PRR16: variants seen among roughly 807,000 people sequenced by gnomAD.
PRR16 encodes protein Largen.
PRR16 carries 6 observed loss-of-function variants against 18.2 expected under a neutral mutation model. The observed-to-expected ratio is 0.33, with a 90% CI of 0.18 to 0.65. The LOEUF (loss-of-function observed/expected upper bound fraction) is 0.65, where lower values mean the gene tolerates loss of function less well. Ranked by LOEUF, PRR16 falls within the 30% of genes least tolerant of loss-of-function variation. PRR16 has a pLI of 0.74. For missense variants in PRR16, 412 were observed against 376.6 expected (o/e 1.09, Z -0.78); for synonymous variants, 151 against 147.8 (o/e 1.02, Z -0.16).
the PRR16 span, among the ~76,000 whole-genome samples, chr5:120,721,387 T>C: frequency 5.3e-4 from 80 of 152,092 alleles, no homozygotes; most frequent in African/African-American, 1.9e-3. Context: ...AATGACAGGT[T>C]AGGAAGAAGG....
At chr5:120,781,238 AAACAAGACT>A in the PRR16 span, 16 of 152,278 alleles carry the variant, frequency 1.1e-4, no homozygotes, top group Middle Eastern at 3.4e-3. Flanking sequence ...GAAGCGTCTG[AAACAAGACT>A]AACAAGACTA....
At chr5:120,692,131 GTAC>G (rs1757215696), downstream of PRR16, among the ~76,000 whole-genome samples, 1 of 152,208 alleles carries the variant, frequency 6.6e-6, no homozygotes, top group Admixed American at 6.5e-5. Context: ...CCTGCATTGT[GTAC>G]AGGTAATCTG....
Position 120,663,547 on chromosome 5 carries a change from C to G in PRR16, c.160-22407C>G, listed in dbSNP as rs1030209041. ...TGTTCTTACTGCCCAGAAACTTTTC[C>G]TTTGTTATTACTTCCTAGAGATTTC... On this transcript the variant is annotated intron_variant, in intron 1 of 1. Transcript: ENST00000407149. Among the ~76,000 whole-genome samples, 5 of 152,092 alleles carry G rather than the reference C, an allele frequency of 3.3e-5. No homozygotes were observed. The East Asian group carries it at 9.6e-4, about 29-fold the overall frequency.
chr5:120,483,134 A>G (rs1052234904), intron 1 of PRR16, among the ~76,000 whole-genome samples: 8 of 152,160 alleles, frequency 5.3e-5, no homozygotes, highest in Non-Finnish European at 1.0e-4. Context: ...GCTCTACTCC[A>G]AAGAGTCACT....
At chr5:120,635,869 A>G (rs780937916) in intron 1 of PRR16, among the ~76,000 whole-genome samples, 1 of 152,222 alleles carries the variant, frequency 6.6e-6, no homozygotes, top group African/African-American at 2.4e-5. Flanking sequence ...CCTAGAAAAC[A>G]CTAAAGACTC....
At chr5:120,498,391 C>G (rs553104019) in intron 1 of PRR16, among the ~76,000 whole-genome samples, 38 of 149,990 alleles carry the variant, frequency 2.5e-4, no homozygotes, top group Non-Finnish European at 5.5e-4. Context: ...CCACAGTCTT[C>G]TTGTATTGCC....
chr5:120,647,048 T>C (rs1462287091), intron 1 of PRR16, among the ~76,000 whole-genome samples: 1 of 151,976 alleles, frequency 6.6e-6, no homozygotes, highest in Non-Finnish European at 1.5e-5. Flanking sequence ...TTAGAAATTT[T>C]TAAGAATGAC....
intron 1 of PRR16, among the ~76,000 whole-genome samples, chr5:120,615,710 T>A (rs79291893): frequency 6.6e-6 from 1 of 152,114 alleles, no homozygotes; most frequent in South Asian, 2.1e-4. Context: ...ATTATTATTT[T>A]TAATTAGTAT....
chr5:120,775,462 C>T, the PRR16 span, among the ~76,000 whole-genome samples: 5 of 152,102 alleles, frequency 3.3e-5, no homozygotes, highest in African/African-American at 1.2e-4. Flanking sequence ...GTCTCTACCC[C>T]TGCTGCCATT....
chr5:120,692,769 A>G, the PRR16 span, among the ~76,000 whole-genome samples: 1 of 152,240 alleles, frequency 6.6e-6, no homozygotes, highest in Non-Finnish European at 1.5e-5. Flanking sequence ...ACACAGATAG[A>G]AATGAGTCTA....
intron 1 of PRR16, chr5:120,531,368 T>C (rs541782671): frequency 6.6e-6 from 1 of 152,202 alleles, no homozygotes; most frequent in South Asian, 2.1e-4. Flanking sequence ...AAAAGGATCG[T>C]TCGGGGAAGC....
At chr5:120,523,809 G>T (rs1751264435) in intron 1 of PRR16, among the ~76,000 whole-genome samples, 1 of 152,028 alleles carries the variant, frequency 6.6e-6, no homozygotes, top group Admixed American at 6.6e-5. Context: ...TACTTTTAAA[G>T]CTAACTTATA....
At position 120,497,384 on chromosome 5, in the gene PRR16, ATTTTTTT is replaced by A. The variant is rs765496177; in HGVS notation, c.159+32756_159+32762del. ...TTGCTTCCCCTGTTTTGATGAACTG[ATTTTTTT>A]TTTTTTTTTTTTTTTTGGAGATGGA... On this transcript the variant is annotated intron_variant, in intron 1 of 1. Transcript: ENST00000407149. Among the ~76,000 whole-genome samples the A allele has an allele frequency of 7.1e-5, 6 of 84,170 alleles. 1 individual carries two copies. The highest frequency in any genetic ancestry group is 8.3e-4 in the South Asian group (2 of 2,410). 55.2% of individuals were successfully genotyped at this position (84,170 alleles called of 152,430 possible).
At chr5:120,713,349 ACTTTC>A in the PRR16 span, among the ~76,000 whole-genome samples, 1 of 152,276 alleles carries the variant, frequency 6.6e-6, no homozygotes, top group East Asian at 1.9e-4. Context: ...AAGGCTCTTA[ACTTTC>A]CTTTCATGGG....
At chr5:120,507,807 A>G (rs1750694982) in intron 1 of PRR16, among the ~76,000 whole-genome samples, 1 of 152,084 alleles carries the variant, frequency 6.6e-6, no homozygotes, top group African/African-American at 2.4e-5. Context: ...AAAAAAAATT[A>G]CTGTCTGATG....
At chr5:120,470,769 A>G (rs1372280726) in intron 1 of PRR16, among the ~76,000 whole-genome samples, 2 of 152,112 alleles carry the variant, frequency 1.3e-5, no homozygotes, top group Admixed American at 6.5e-5. Context: ...TGCCCATTTT[A>G]CACATAAGAA....
chr5:120,498,261 T>C (rs1750326094), intron 1 of PRR16, among the ~76,000 whole-genome samples: 1 of 150,004 alleles, frequency 6.7e-6, no homozygotes, highest in African/African-American at 2.4e-5. Context: ...TCCTAGGTAT[T>C]ACATTATATA....
chr5:120,588,801 C>G lies in PRR16; in HGVS notation c.160-97153C>G, dbSNP rs114085284. On this transcript the variant is annotated intron_variant, in intron 1 of 1. Coordinates refer to ENST00000407149, the MANE Select transcript of PRR16 (RefSeq NM_001300783.2). ...GTAGAGCACAAATTCTGACAACATG[C>G]TCTTAACCCGGAATAAAACTTCCTT... 6.0e-3 allele frequency among the ~76,000 whole-genome samples: 908 copies of G among 151,454 alleles called. 8 individuals carry two copies. Among genetic ancestry groups the G allele is most frequent in the Admixed American group, 9.6e-3 (146 of 15,144 alleles).
chr5:120,742,138 CATTATTTT>C, the PRR16 span, among the ~76,000 whole-genome samples: 3 of 151,778 alleles, frequency 2.0e-5, no homozygotes, highest in South Asian at 6.2e-4. Context: ...TATAATATTT[CATTATTTT>C]TACAGAATAC....
Sources: allele counts gnomAD v4.1 joint callset (sites outside exome capture counted in the v4.1 genomes callset), GRCh38; gene constraint gnomAD v4.1.1; transcripts MANE v1.5; gene names NCBI Gene and HGNC (gene_info 2026-07-23, HGNC 2026-07-21).